TAFA1: variants seen among roughly 807,000 people sequenced by gnomAD.
TAFA1 encodes the protein chemokine-like protein TAFA-1.
A neutral mutation model predicts 18.5 loss-of-function variants in TAFA1; 4 were observed. The ratio of observed to expected loss-of-function variants is 0.22; its 90% CI spans 0.11 to 0.49. The LOEUF (loss-of-function observed/expected upper bound fraction) is 0.49, where lower values mean the gene tolerates loss of function less well. Ranked by LOEUF, TAFA1 falls within the 20% of genes least tolerant of loss-of-function variation. The pLI is 0.98. For missense variants in TAFA1, 147 were observed against 169.0 expected (o/e 0.87, Z 0.72); for synonymous variants, 56 against 55.2 (o/e 1.01, Z -0.06).
chr3:68,214,577 C>T (rs1431217294), intron 2 of TAFA1, among the ~76,000 whole-genome samples: 1 of 152,024 alleles, frequency 6.6e-6, no homozygotes, highest in East Asian at 1.9e-4. Flanking sequence ...GTTTCTTTCT[C>T]ACTGTGTGAC....
intron 2 of TAFA1, among the ~76,000 whole-genome samples, chr3:68,238,789 AATGC>A (rs776585148): frequency 6.6e-5 from 10 of 152,186 alleles, no homozygotes; most frequent in Non-Finnish European, 1.3e-4. Context: ...AGCCTCAATC[AATGC>A]ATAATTATAT....
Position 68,500,278 on chromosome 3 carries a change from T to A in TAFA1, c.260-38478T>A, listed in dbSNP as rs375497550. ...TCATGAAGGACCTTTTTATTCTTCT[T>A]AAAAAATACCCAATCTGTCATGGGC... On this transcript the variant is annotated intron_variant, in intron 3 of 4. Transcript: ENST00000478136. Among the ~76,000 whole-genome samples, 25 of 152,230 alleles carry A rather than the reference T, an allele frequency of 1.6e-4. No individual in the cohort carries two copies. In the East Asian group the frequency reaches 4.1e-3, roughly 25 times the overall value.
At chr3:68,008,826 G>A (rs1245437775) in intron 2 of TAFA1, among the ~76,000 whole-genome samples, 1 of 152,244 alleles carries the variant, frequency 6.6e-6, no homozygotes, top group African/African-American at 2.4e-5. Context: ...CAGGGCTCGG[G>A]GCTGGCCACC....
At chr3:68,144,552 T>C (rs2065713234) in intron 2 of TAFA1, among the ~76,000 whole-genome samples, 1 of 152,232 alleles carries the variant, frequency 6.6e-6, no homozygotes, top group Non-Finnish European at 1.5e-5. Flanking sequence ...GAAAATTATT[T>C]GTTAATATGA....
chr3:68,426,980 G>T (rs1048704844), intron 3 of TAFA1, among the ~76,000 whole-genome samples: 7 of 151,764 alleles, frequency 4.6e-5, no homozygotes, highest in African/African-American at 1.2e-4. Context: ...TCATTGTAAA[G>T]CCCATCTATA....
chr3:68,499,912 A>G (rs1008464216), intron 3 of TAFA1, among the ~76,000 whole-genome samples: 45 of 149,250 alleles, frequency 3.0e-4, no homozygotes, highest in African/African-American at 1.1e-3. Flanking sequence ...CTTATATTCA[A>G]GTAAAGTCCA....
chr3:68,365,644 G>T (rs1315797727), intron 2 of TAFA1, among the ~76,000 whole-genome samples: 4 of 152,144 alleles, frequency 2.6e-5, no homozygotes, highest in African/African-American at 9.7e-5. Context: ...CCTGAGACTG[G>T]GTAATTGATA....
At chr3:68,402,629 C>T (rs1231457469) in intron 2 of TAFA1, among the ~76,000 whole-genome samples, 3 of 152,112 alleles carry the variant, frequency 2.0e-5, no homozygotes, top group East Asian at 3.9e-4. Context: ...ATCTCTCTGG[C>T]TGTAGATGTG....
At chr3:68,086,449 G>A (rs2064971327) in intron 2 of TAFA1, among the ~76,000 whole-genome samples, 1 of 152,130 alleles carries the variant, frequency 6.6e-6, no homozygotes. Context: ...TGTCTCAATT[G>A]TCTGAGTTTT....
At chr3:67,993,078 G>C in the TAFA1 span, among the ~76,000 whole-genome samples, 1 of 152,140 alleles carries the variant, frequency 6.6e-6, no homozygotes, top group Admixed American at 6.5e-5. Flanking sequence ...GACACAACAG[G>C]GGGCTTCTTA....
intron 2 of TAFA1, among the ~76,000 whole-genome samples, chr3:68,253,068 A>G (rs2067228204): frequency 6.6e-6 from 1 of 152,080 alleles, no homozygotes. Flanking sequence ...CTCTTTCTTT[A>G]TGAATTACCC....
At chr3:68,501,715 C>T (rs2072662366) in intron 3 of TAFA1, among the ~76,000 whole-genome samples, 1 of 152,054 alleles carries the variant, frequency 6.6e-6, no homozygotes, top group African/African-American at 2.4e-5. Context: ...TATAATTAGG[C>T]TATTATTTGA....
rs979163884 is a variant in TAFA1, at chr3:68,448,367, G to T, written c.259+30947G>T. Among the ~76,000 whole-genome samples, 3 of 152,192 alleles carry T rather than the reference G, an allele frequency of 2.0e-5. No individual in the cohort carries two copies. In the South Asian group the frequency reaches 6.2e-4, roughly 32 times the overall value. ...ATATGCATACTTCTTTATTAATACAGTAAATAACAAGATCCATCAGTGAGT... is the reference window on the plus strand; with the variant it reads ...ATATGCATACTTCTTTATTAATACATTAAATAACAAGATCCATCAGTGAGT... On this transcript the variant is annotated intron_variant, in intron 3 of 4. Coordinates refer to ENST00000478136, the MANE Select transcript of TAFA1 (RefSeq NM_213609.4).
chr3:68,533,103 G>A (rs961817747), intron 3 of TAFA1, among the ~76,000 whole-genome samples: 63 of 151,192 alleles, frequency 4.2e-4, no homozygotes, highest in Middle Eastern at 3.2e-3. Flanking sequence ...AAAAAAGAAG[G>A]AAGGTATGTA....
chr3:68,018,353 A>G (rs867914932), intron 2 of TAFA1, among the ~76,000 whole-genome samples: 2 of 152,208 alleles, frequency 1.3e-5, no homozygotes, highest in African/African-American at 4.8e-5. Context: ...TCTTTGTGCA[A>G]TGAAAGGCAA....
At chr3:68,355,333 C>G (rs945484333) in intron 2 of TAFA1, among the ~76,000 whole-genome samples, 1 of 151,898 alleles carries the variant, frequency 6.6e-6, no homozygotes, top group Non-Finnish European at 1.5e-5. Context: ...TCAGGCTACC[C>G]CATTTCAAAT....
intron 2 of TAFA1, among the ~76,000 whole-genome samples, chr3:68,323,540 C>T (rs4568137): frequency 0.13 from 20,253 of 152,134 alleles, 1,732 homozygotes; most frequent in East Asian, 0.37. Flanking sequence ...GGACTGTCCT[C>T]GTATGTGTAA....
chr3:68,027,058 A>G (rs557923366), intron 2 of TAFA1, among the ~76,000 whole-genome samples: 32 of 152,122 alleles, frequency 2.1e-4, no homozygotes, highest in Admixed American at 2.0e-3. Context: ...AAAACTGAGT[A>G]TCATGACGAT....
chr3:68,511,197 A>C (rs1373757751), intron 3 of TAFA1, among the ~76,000 whole-genome samples: 1 of 152,176 alleles, frequency 6.6e-6, no homozygotes, highest in Non-Finnish European at 1.5e-5. Flanking sequence ...GCTGTTTTTT[A>C]AACAAACATA....
Sources: gnomAD v4.1 joint callset for allele counts (sites outside exome capture counted in the v4.1 genomes callset) on GRCh38, gnomAD v4.1.1 for gene constraint, MANE v1.5 for transcripts, NCBI Gene and HGNC (gene_info 2026-07-23, HGNC 2026-07-21) for gene names.